The following SEMA3E variants were observed in gnomAD, a reference collection of about 807,000 sequenced individuals.
SEMA3E encodes semaphorin 3E.
Under a neutral mutation model 93.6 loss-of-function variants are expected in SEMA3E, and 49 were observed. The observed-to-expected ratio is 0.52, with a 90% CI of 0.42 to 0.66. The LOEUF is 0.66. Among genes scored for constraint, SEMA3E ranks in the 30% least tolerant of loss-of-function variants. SEMA3E has a pLI of 0.00. For missense variants in SEMA3E, 906 were observed against 964.8 expected, an observed-to-expected ratio of 0.94 and a Z score of 0.81; for synonymous variants, 363 against 330.7, an observed-to-expected ratio of 1.10 and a Z score of -1.06.
At chr7:83,605,444 T>A (rs1793091073) in intron 1 of SEMA3E, among the ~76,000 whole-genome samples, 1 of 151,942 alleles carries the variant, frequency 6.6e-6, no homozygotes, top group Admixed American at 6.6e-5. Context: ...TTTTTTTTTT[T>A]TATTGAGATG....
At chr7:83,574,484 C>T (rs1792359405) in intron 1 of SEMA3E, among the ~76,000 whole-genome samples, 1 of 149,302 alleles carries the variant, frequency 6.7e-6, no homozygotes, top group South Asian at 2.1e-4. Context: ...GAGAGAGAGA[C>T]TAAGGTAGAT....
chr7:83,518,514 T>A (rs1790980641), intron 1 of SEMA3E, among the ~76,000 whole-genome samples: 1 of 152,152 alleles, frequency 6.6e-6, no homozygotes, highest in Non-Finnish European at 1.5e-5. Context: ...CTCATCTTCT[T>A]ACTAATTATT....
chr7:83,395,893 T>C (rs970859150), intron 12 of SEMA3E, among the ~76,000 whole-genome samples: 1 of 152,152 alleles, frequency 6.6e-6, no homozygotes, highest in Non-Finnish European at 1.5e-5. Flanking sequence ...TAAAAGAAGG[T>C]TACGTATTGA....
At chr7:83,469,952 A>T (rs1012392768) in intron 2 of SEMA3E, among the ~76,000 whole-genome samples, 1 of 151,632 alleles carries the variant, frequency 6.6e-6, no homozygotes, top group Non-Finnish European at 1.5e-5. Context: ...CACCCAGCTA[A>T]TTTTTTTGTA....
intron 4 of SEMA3E, among the ~76,000 whole-genome samples, chr7:83,446,689 A>G (rs1764140253): frequency 6.6e-6 from 1 of 152,220 alleles, no homozygotes; most frequent in South Asian, 2.1e-4. Flanking sequence ...GTGCATCAAT[A>G]TAGTATGTAA....
At chr7:83,523,568 C>T (rs1584307268) in intron 1 of SEMA3E, among the ~76,000 whole-genome samples, 1 of 152,044 alleles carries the variant, frequency 6.6e-6, no homozygotes, top group East Asian at 1.9e-4. Flanking sequence ...GTGGCATGTG[C>T]TTCTCTTAGC....
At chr7:83,600,100 T>C (rs1334875268) in intron 1 of SEMA3E, among the ~76,000 whole-genome samples, 2 of 152,152 alleles carry the variant, frequency 1.3e-5, no homozygotes, top group African/African-American at 4.8e-5. Context: ...CATCCTTCCA[T>C]TAAATAATCC....
intron 1 of SEMA3E, among the ~76,000 whole-genome samples, chr7:83,509,288 G>A (rs981992374): frequency 6.6e-6 from 1 of 152,146 alleles, no homozygotes; most frequent in East Asian, 1.9e-4. Flanking sequence ...TGAGGGCTAC[G>A]TGTTTAGGGG....
chr7:83,405,397 G>T lies in SEMA3E; in HGVS notation c.998+53C>A, dbSNP rs181524086. The T allele has an allele frequency of 1.2e-4, 158 of 1,271,442 alleles. 1 individual carries two copies. The highest frequency in any genetic ancestry group is 9.4e-4 in the South Asian group (79 of 83,900). The allele number at this position is 1,271,442 out of a possible 1,614,324, so 78.8% of individuals were successfully genotyped here. A position where few individuals can be genotyped will look rare whatever the true frequency, so the allele number is the denominator to read the frequency against. On this transcript the variant is annotated intron_variant, in intron 9 of 16. Coordinates refer to ENST00000643230, the MANE Select transcript of SEMA3E (RefSeq NM_012431.3). ...TATATACACCATGAAGGGAGAGTCC[G>T]GTGAGGCATCTCTTGTTCTATATTG...
intron 4 of SEMA3E, among the ~76,000 whole-genome samples, chr7:83,420,858 A>G (rs1477593150): frequency 6.9e-6 from 1 of 144,482 alleles, no homozygotes; most frequent in Non-Finnish European, 1.6e-5. Context: ...AAGACCTCTA[A>G]CTATAAGAAT....
intron 5 of SEMA3E, among the ~76,000 whole-genome samples, chr7:83,414,719 A>G (rs1476592532): frequency 6.6e-6 from 1 of 152,154 alleles, no homozygotes; most frequent in African/African-American, 2.4e-5. Flanking sequence ...ATCCCTAAAA[A>G]TACTCCAACA....
intron 1 of SEMA3E, among the ~76,000 whole-genome samples, chr7:83,532,126 T>A (rs1299226367): frequency 6.6e-6 from 1 of 152,166 alleles, no homozygotes; most frequent in East Asian, 1.9e-4. Flanking sequence ...ATTAAAAAAA[T>A]TAGGAATCTT....
intron 1 of SEMA3E, among the ~76,000 whole-genome samples, chr7:83,594,848 G>A (rs1222762343): frequency 3.3e-5 from 5 of 151,656 alleles, no homozygotes; most frequent in Non-Finnish European, 7.4e-5. Flanking sequence ...AAAATAAATG[G>A]TCTGAATGAT....
chr7:83,558,050 T>C (rs1791956799), intron 1 of SEMA3E, among the ~76,000 whole-genome samples: 1 of 152,152 alleles, frequency 6.6e-6, no homozygotes, highest in Admixed American at 6.6e-5. Flanking sequence ...TGAGGACCTT[T>C]TCCAATTAAG....
chr7:83,587,659 G>GATAT (rs1792660032), intron 1 of SEMA3E, among the ~76,000 whole-genome samples: 1 of 151,886 alleles, frequency 6.6e-6, no homozygotes, highest in Non-Finnish European at 1.5e-5. Context: ...AAAAGTTGTG[G>GATAT]ATATATGGTT....
intron 1 of SEMA3E, among the ~76,000 whole-genome samples, chr7:83,637,748 T>G (rs927918436): frequency 6.6e-6 from 1 of 151,648 alleles, no homozygotes; most frequent in Non-Finnish European, 1.5e-5. Context: ...GTGAGTCAAT[T>G]AAACCTCTTT....
At position 83,365,663 on chromosome 7, in the gene SEMA3E, T is replaced by C. The variant is rs1302531683; in HGVS notation, c.*1923A>G. On this transcript the variant is annotated 3_prime_UTR_variant, in exon 17 of 17. Transcript: ENST00000643230. ...CATCATTAACTACTTGTCTGTGTTATTGCAATTAAAATGATAACTATTTAT... is the reference window on the plus strand; with the variant it reads ...CATCATTAACTACTTGTCTGTGTTACTGCAATTAAAATGATAACTATTTAT... The C allele has an allele frequency of 1.3e-5, 2 of 152,306 alleles. No individual in the cohort carries two copies. Among genetic ancestry groups the C allele is most frequent in the South Asian group, 2.1e-4 (1 of 4,824 alleles). 9.4% of individuals were successfully genotyped at this position (152,306 alleles called of 1,614,324 possible). A position where few individuals can be genotyped will look rare whatever the true frequency, so the allele number is the denominator to read the frequency against.
chr7:83,559,350 G>A (rs1791980952), intron 1 of SEMA3E, among the ~76,000 whole-genome samples: 1 of 151,974 alleles, frequency 6.6e-6, no homozygotes, highest in African/African-American at 2.4e-5. Flanking sequence ...ATCCATATTT[G>A]TTTTAATATT....
intron 4 of SEMA3E, among the ~76,000 whole-genome samples, chr7:83,454,119 G>A (rs56383008): frequency 0.11 from 16,440 of 150,852 alleles, 1,020 homozygotes; most frequent in Non-Finnish European, 0.14. Context: ...TTAGCCTGGC[G>A]TGGTGGCGGG....
Sources: gnomAD v4.1 joint callset for allele counts (sites outside exome capture counted in the v4.1 genomes callset) on GRCh38, gnomAD v4.1.1 for gene constraint, MANE v1.5 for transcripts, NCBI Gene and HGNC (gene_info 2026-07-23, HGNC 2026-07-21) for gene names.